The following GLRA2 variants were observed in gnomAD, a reference collection of about 807,000 sequenced individuals.
The protein encoded by GLRA2 is glycine receptor alpha 2.
GLRA2 carries 11 observed loss-of-function variants against 31.6 expected under a neutral mutation model. The ratio of observed to expected loss-of-function variants is 0.35; its 90% CI spans 0.22 to 0.58. GLRA2 has a LOEUF of 0.58. GLRA2 is among the 20% of genes least tolerant of loss of function. GLRA2 has a pLI of 0.84. For synonymous variants in GLRA2, 132 were observed against 134.0 expected, an observed-to-expected ratio of 0.99 and a Z score of 0.10; for missense variants, 212 against 351.8, an observed-to-expected ratio of 0.60 and a Z score of 3.18.
intron 8 of GLRA2, among the ~76,000 whole-genome samples, chrX:14,720,141 A>AGT (rs2091846603): frequency 9.0e-6 from 1 of 111,414 alleles, no homozygotes; most frequent in African/African-American, 3.3e-5. Flanking sequence ...TACAGTAAAC[A>AGT]ATAATTTATT....
chrX:14,472,633 T>C, the GLRA2 span, among the ~76,000 whole-genome samples: 52 of 111,603 alleles, frequency 4.7e-4, no homozygotes, highest in African/African-American at 1.6e-3. Context: ...CAGGAGGTAT[T>C]TGGTTTTCTG....
In GLRA2 at chrX:14,693,499, A is replaced by C. The variant is rs1480980635; in HGVS notation, c.1080+2640A>C. ...TTTAAATTGACAGATATAAAGAAGA[A>C]ATAGACAAACTCACACTCATAGTGA... On this transcript the variant is annotated intron_variant, in intron 8 of 8. Transcript: ENST00000218075. 7.1e-5 allele frequency among the ~76,000 whole-genome samples: 8 copies of C among 112,109 alleles called. No individual in the cohort carries two copies. In the East Asian group the frequency reaches 2.2e-3, roughly 31 times the overall value.
intron 7 of GLRA2, among the ~76,000 whole-genome samples, chrX:14,622,324 C>T (rs2090530622): frequency 1.8e-5 from 2 of 111,754 alleles, no homozygotes; most frequent in South Asian, 3.8e-4. Flanking sequence ...CCTGTTCACT[C>T]TGATGGTAGT....
At chrX:14,715,582 G>A (rs1009791796) in intron 8 of GLRA2, among the ~76,000 whole-genome samples, 16 of 111,626 alleles carry the variant, frequency 1.4e-4, no homozygotes, top group African/African-American at 4.2e-4. Context: ...ACTACAGGAG[G>A]TAAGGAGGAA....
At chrX:14,685,194 G>T (rs2091261931) in intron 7 of GLRA2, among the ~76,000 whole-genome samples, 1 of 111,566 alleles carries the variant, frequency 9.0e-6, no homozygotes, top group Non-Finnish European at 1.9e-5. Flanking sequence ...TAAGCTTTTT[G>T]ATGTGCTGCT....
At chrX:14,706,196 G>GCAGCAT (rs749229480) in intron 8 of GLRA2, among the ~76,000 whole-genome samples, 135 of 111,808 alleles carry the variant, frequency 1.2e-3, no homozygotes, top group African/African-American at 4.2e-3. Flanking sequence ...CTGTTGACCA[G>GCAGCAT]CAGCATCAGC....
At chrX:14,498,956 G>C in the GLRA2 span, among the ~76,000 whole-genome samples, 1 of 111,876 alleles carries the variant, frequency 8.9e-6, no homozygotes, top group Non-Finnish European at 1.9e-5. Flanking sequence ...ATGCTTTTAT[G>C]GCTGAATAAT....
chrX:14,550,291 G>A (rs1179765639), intron 2 of GLRA2, among the ~76,000 whole-genome samples: 1 of 105,338 alleles, frequency 9.5e-6, no homozygotes, highest in Non-Finnish European at 2.0e-5. Context: ...AGATGAGAAG[G>A]GTACATTTGT....
At chrX:14,503,554 A>G in the GLRA2 span, among the ~76,000 whole-genome samples, 1 of 111,400 alleles carries the variant, frequency 9.0e-6, no homozygotes, top group Non-Finnish European at 1.9e-5. Context: ...CTTTTACTCA[A>G]ATAGTCCCTG....
the GLRA2 span, among the ~76,000 whole-genome samples, chrX:14,494,763 C>T: frequency 9.0e-6 from 1 of 111,690 alleles, no homozygotes; most frequent in South Asian, 3.8e-4. Context: ...AGTTATTGGA[C>T]TCTGGGAATC....
At chrX:14,570,438 G>A in intron 2 of GLRA2, among the ~76,000 whole-genome samples, 1 of 111,887 alleles carries the variant, frequency 8.9e-6, no homozygotes, top group Middle Eastern at 4.6e-3. Context: ...ATTTATGAAA[G>A]ATAGAAACAA....
intron 7 of GLRA2, among the ~76,000 whole-genome samples, chrX:14,623,656 G>A (rs1048017812): frequency 2.6e-4 from 29 of 111,444 alleles, no homozygotes; most frequent in Admixed American, 1.4e-3. Flanking sequence ...TACATTTATC[G>A]ATTTGCGTAT....
chrX:14,654,079 C>T (rs1397727819), intron 7 of GLRA2, among the ~76,000 whole-genome samples: 3 of 111,566 alleles, frequency 2.7e-5, no homozygotes, highest in Non-Finnish European at 5.6e-5. Flanking sequence ...GAACTATGAT[C>T]GTACCACTGC....
At chrX:14,557,211 G>A (rs1232621795) in intron 2 of GLRA2, among the ~76,000 whole-genome samples, 9 of 93,795 alleles carry the variant, frequency 9.6e-5, no homozygotes, top group African/African-American at 3.3e-4. Flanking sequence ...CGCCTCCTGG[G>A]TTCACGCCAT....
intron 7 of GLRA2, among the ~76,000 whole-genome samples, chrX:14,679,219 G>T (rs987345388): frequency 7.3e-5 from 8 of 110,148 alleles, no homozygotes; most frequent in African/African-American, 2.7e-4. Flanking sequence ...GAGAGTTCAA[G>T]AAATGGAAAT....
At chrX:14,452,048 A>G in the GLRA2 span, among the ~76,000 whole-genome samples, 1 of 112,086 alleles carries the variant, frequency 8.9e-6, no homozygotes, top group Non-Finnish European at 1.9e-5. Context: ...AAACTAAATG[A>G]CCGTTGGGTA....
chrX:14,495,100 T>A, the GLRA2 span, among the ~76,000 whole-genome samples: 2 of 111,564 alleles, frequency 1.8e-5, no homozygotes, highest in Non-Finnish European at 3.8e-5. Context: ...TGCTGGTAGA[T>A]CAGATTGAGC....
chrX:14,523,462 C>T, the GLRA2 span, among the ~76,000 whole-genome samples: 1 of 112,093 alleles, frequency 8.9e-6, no homozygotes, highest in African/African-American at 3.2e-5. Flanking sequence ...TTTTTCTTCA[C>T]GAACTTTTCC....
chrX:14,589,655 A>G (rs1183384421), intron 4 of GLRA2, among the ~76,000 whole-genome samples: 2 of 105,505 alleles, frequency 1.9e-5, no homozygotes, highest in Non-Finnish European at 3.9e-5. Context: ...TGGGCAACAG[A>G]GCGAGACTCT....
Sources: allele counts gnomAD v4.1 joint callset (sites outside exome capture counted in the v4.1 genomes callset), GRCh38; gene constraint gnomAD v4.1.1; transcripts MANE v1.5; gene names NCBI Gene and HGNC (gene_info 2026-07-23, HGNC 2026-07-21).